Variants in CUBN observed in about 807,000 individuals in gnomAD.
The protein encoded by CUBN is 460 kDa receptor.
Under a neutral mutation model 405.3 loss-of-function variants are expected in CUBN, and 282 were observed. The observed-to-expected ratio is 0.70, with a 90% CI of 0.63 to 0.77. The LOEUF is 0.77. Among genes scored for constraint, CUBN ranks in the 30% least tolerant of loss-of-function variants. The pLI is 0.00. For missense variants in CUBN, 4,514 were observed against 4,475.2 expected, an observed-to-expected ratio of 1.01 and a Z score of -0.25; for synonymous variants, 1,684 against 1,617.0, an observed-to-expected ratio of 1.04 and a Z score of -0.99.
intron 22 of CUBN, among the ~76,000 whole-genome samples, chr10:17,062,136 TTCTC>T (rs938745634): frequency 6.6e-6 from 1 of 152,188 alleles, no homozygotes; most frequent in African/African-American, 2.4e-5. Context: ...CTCTGATACT[TTCTC>T]TCCTATTCCT....
At chr10:16,960,439 T>C (rs138670927) in intron 31 of CUBN, among the ~76,000 whole-genome samples, 67 of 152,090 alleles carry the variant, frequency 4.4e-4, no homozygotes, top group African/African-American at 1.6e-3. Flanking sequence ...CTACAATGAG[T>C]GGAGATGGTG....
chr10:16,849,158 T>C (rs1045346852), intron 60 of CUBN, among the ~76,000 whole-genome samples: 26 of 152,332 alleles, frequency 1.7e-4, no homozygotes, highest in Admixed American at 1.0e-3. Context: ...CATCTTTCCC[T>C]TTCTTGGCCT....
At position 16,974,463 on chromosome 10, in the gene CUBN, G is replaced by T. The variant is rs565406326; in HGVS notation, c.4695+8021C>A. On this transcript the variant is annotated intron_variant, in intron 31 of 66. Coordinates refer to ENST00000377833, the MANE Select transcript of CUBN (RefSeq NM_001081.4). ...TTTTGAGAGGGAGTCTCACTCTGTC[G>T]CCCAGGCTGGAGTGCAGTGGCGTGA... 7.6e-4 allele frequency among the ~76,000 whole-genome samples: 114 copies of T among 150,956 alleles called. 2 individuals carry two copies. The highest frequency in any genetic ancestry group is 2.8e-3 in the African/African-American group (113 of 41,022).
chr10:16,964,659 C>A (rs1352456452), intron 31 of CUBN, among the ~76,000 whole-genome samples: 1 of 152,148 alleles, frequency 6.6e-6, no homozygotes, highest in Non-Finnish European at 1.5e-5. Context: ...TGTTTCATCA[C>A]TCGGACGCAT....
chr10:16,837,128 G>T (rs1300371049), intron 62 of CUBN, among the ~76,000 whole-genome samples: 1 of 151,824 alleles, frequency 6.6e-6, no homozygotes, highest in East Asian at 1.9e-4. Flanking sequence ...TCCTGCTCTT[G>T]GTCCTTGTCT....
chr10:16,972,857 C>T (rs1435691268), intron 31 of CUBN, among the ~76,000 whole-genome samples: 4 of 152,068 alleles, frequency 2.6e-5, no homozygotes, highest in African/African-American at 9.7e-5. Context: ...CTGCGCTCTC[C>T]ATGTGTCCCA....
Position 16,835,073 on chromosome 10 carries a change from G to C in CUBN, c.10303C>G (p.Leu3435Val), listed in dbSNP as rs1839126958. Residue 3435 changes from leucine (L) to valine (V), a missense_variant, in exon 64 of 67, where the codon CTC (leucine) becomes GTC (valine). Around this residue, in one of 5 missense-constraint regions of CUBN, gnomAD observed 1,186 missense variants for 1,186.9 expected, o/e 1.00. Transcript: ENST00000377833. ...TCGATGCCAAGTGAATGAAAAAAGA[G>C]GGAAATGGTGTGGTTCTGGGGGGCT... ...LTAPQNHTIS[L>V]FFHSLGIENS... 3 of 1,614,058 alleles carry C rather than the reference G, an allele frequency of 1.9e-6. No homozygotes were observed.
At chr10:17,128,243 T>C (rs545504917) in intron 2 of CUBN, among the ~76,000 whole-genome samples, 1 of 152,340 alleles carries the variant, frequency 6.6e-6, no homozygotes, top group South Asian at 2.1e-4. Flanking sequence ...CTGGCTCAGC[T>C]ATTTATTGCT....
At chr10:16,869,567 G>GGGT in intron 59 of CUBN, 69 bp downstream of exon 59, 2 of 981,164 alleles carry the variant, frequency 2.0e-6, no homozygotes, top group Non-Finnish European at 3.1e-6. Context: ...TGGGGGGGGG[G>GGGT]CGGGGAAATT....
Position 16,990,351 on chromosome 10 carries a change from T to C in CUBN, c.4333A>G (p.Asn1445Asp). ...DFDVEYHSRC[N>D]FDVLEIYGGP... Reference sequence around the variant, plus strand: ...CTTCCTACCTCCAAGACATCAAAGTTGCACCTTGAATGATACTCCACATCG... The same window carrying C: ...CTTCCTACCTCCAAGACATCAAAGTCGCACCTTGAATGATACTCCACATCG... Residue 1445 changes from asparagine to aspartate, a missense_variant, in exon 29 of 67, where the codon AAC (asparagine) becomes GAC (aspartate). Transcript: ENST00000377833. The C allele has an allele frequency of 6.2e-7, 1 of 1,614,136 alleles. No homozygotes were observed. Among genetic ancestry groups the C allele is most frequent in the Non-Finnish European group, 8.5e-7 (1 of 1,180,014 alleles).
Position 16,918,751 on chromosome 10 carries a change from G to C in CUBN, c.6871C>G (p.Pro2291Ala), listed in dbSNP as rs763764895. ...ELRDGVDSDA[P>A]ILSKFCGTSL... ...GTCCCACAAAATTTGGAAAGTATTGGTGCATCCGAATCCACTCCATCCCGC... is the reference window on the plus strand; with the variant it reads ...GTCCCACAAAATTTGGAAAGTATTGCTGCATCCGAATCCACTCCATCCCGC... The change falls in exon 45 of 67, where the codon CCA becomes GCA. Residue 2291 changes from proline to alanine, a missense_variant. This residue lies in a region of CUBN where 1,613 missense variants were observed against 1,542.8 expected (regional missense o/e 1.05). Coordinates refer to ENST00000377833, the MANE Select transcript of CUBN (RefSeq NM_001081.4). The C allele has an allele frequency of 6.2e-7, 1 of 1,613,802 alleles. No homozygotes were observed. The highest frequency in any genetic ancestry group is 8.5e-7 in the Non-Finnish European group (1 of 1,179,904).
At chr10:16,895,904 A>G (rs146680083) in intron 54 of CUBN, among the ~76,000 whole-genome samples, 1 of 152,162 alleles carries the variant, frequency 6.6e-6, no homozygotes, top group African/African-American at 2.4e-5. Flanking sequence ...TCTACATTTT[A>G]TTATATAATT....
chr10:16,970,302 C>T lies in CUBN; in HGVS notation c.4695+12182G>A, dbSNP rs142047200. 1.8e-3 allele frequency among the ~76,000 whole-genome samples: 271 copies of T among 152,330 alleles called. 1 individual carries two copies. The highest frequency in any genetic ancestry group is 6.0e-3 in the African/African-American group (248 of 41,578). ...AAAGTGGGCTGGGCACGGTGGCTCA[C>T]GCCTATAATCCCAGCATTCACACCT... On this transcript the variant is annotated intron_variant, in intron 31 of 66. Transcript: ENST00000377833.
chr10:16,908,562 T>C (rs1841624172), intron 48 of CUBN, among the ~76,000 whole-genome samples: 1 of 152,238 alleles, frequency 6.6e-6, no homozygotes, highest in Non-Finnish European at 1.5e-5. Flanking sequence ...TTCTTACTTA[T>C]TTGAATTTCC....
At chr10:17,110,188 A>G (rs886968031) in intron 9 of CUBN, among the ~76,000 whole-genome samples, 1 of 152,164 alleles carries the variant, frequency 6.6e-6, no homozygotes, top group Non-Finnish European at 1.5e-5. Flanking sequence ...AGCAGAAAAG[A>G]CTTCTTTCCA....
intron 3 of CUBN, 76 bp downstream of exon 3, chr10:17,127,753 C>A (rs921287972): frequency 2.0e-6 from 2 of 1,008,086 alleles, no homozygotes; most frequent in East Asian, 2.4e-5. Context: ...GTTGGTATAT[C>A]CCCTACAAAA....
chr10:16,969,599 T>TAA (rs1201133834), intron 31 of CUBN, among the ~76,000 whole-genome samples: 2 of 152,182 alleles, frequency 1.3e-5, no homozygotes, highest in Non-Finnish European at 2.9e-5. Flanking sequence ...ATGATCCGCC[T>TAA]GCCTTGGCAT....
At chr10:16,970,798 C>G (rs1832905156) in intron 31 of CUBN, among the ~76,000 whole-genome samples, 1 of 152,038 alleles carries the variant, frequency 6.6e-6, no homozygotes, top group Non-Finnish European at 1.5e-5. Flanking sequence ...ATCTCAGTAT[C>G]TTTTTTATTT....
chr10:17,017,394 C>A (rs1433024130), intron 28 of CUBN, among the ~76,000 whole-genome samples: 1 of 152,162 alleles, frequency 6.6e-6, no homozygotes, highest in African/African-American at 2.4e-5. Context: ...GTGGCCCTTA[C>A]TGACACATTC....
Sources: gnomAD v4.1 joint callset for allele counts (sites outside exome capture counted in the v4.1 genomes callset) on GRCh38, gnomAD v4.1.1 for gene constraint, gnomAD v4.1.1 regional missense constraint, MANE v1.5 for transcripts, NCBI Gene and HGNC (gene_info 2026-07-23, HGNC 2026-07-21) for gene names.